TMEM164: variants seen among roughly 807,000 people sequenced by gnomAD.
TMEM164 encodes transmembrane protein 164, also known as RP13-360B22.2.
A neutral mutation model predicts 18.8 loss-of-function variants in TMEM164; 4 were observed. The ratio of observed to expected loss-of-function variants is 0.21; its 90% CI spans 0.10 to 0.49. The LOEUF is 0.49. Ranked by LOEUF, TMEM164 falls within the 20% of genes least tolerant of loss-of-function variation. The probability of loss-of-function intolerance (pLI) is 0.98; values close to 1 mark genes in which losing one functional copy is unlikely to be tolerated. For synonymous variants in TMEM164, 86 were observed against 101.7 expected, an observed-to-expected ratio of 0.85 and a Z score of 0.93; for missense variants, 108 against 239.9, an observed-to-expected ratio of 0.45 and a Z score of 3.63.
chrX:110,080,317 G>A (rs1160614931), intron 3 of TMEM164, among the ~76,000 whole-genome samples: 4 of 111,878 alleles, frequency 3.6e-5, no homozygotes, highest in African/African-American at 6.5e-5. Flanking sequence ...TTGAAGACCT[G>A]TTGTCTATTA....
chrX:110,086,882 T>C (rs759472095), intron 3 of TMEM164, among the ~76,000 whole-genome samples: 4 of 110,753 alleles, frequency 3.6e-5, no homozygotes, highest in African/African-American at 1.3e-4. Context: ...AGGAATACCA[T>C]AATGGGGATG....
At chrX:110,125,049 TC>T (rs1488278664) in intron 4 of TMEM164, among the ~76,000 whole-genome samples, 2 of 112,354 alleles carry the variant, frequency 1.8e-5, no homozygotes, top group African/African-American at 6.5e-5. Flanking sequence ...AAATCACTGT[TC>T]CAGTCTTCCT....
intron 3 of TMEM164, among the ~76,000 whole-genome samples, chrX:110,108,088 G>GTT (rs1165441265): frequency 3.1e-5 from 3 of 96,442 alleles, no homozygotes; most frequent in Admixed American, 1.1e-4. Context: ...GTGTGTGTGT[G>GTT]TGTGTGTGTG....
chrX:110,176,194 C>A lies in TMEM164; in HGVS notation c.*2743C>A. 1 of 756,604 alleles carries A rather than the reference C, an allele frequency of 1.3e-6. No individual in the cohort carries two copies. Among genetic ancestry groups the A allele is most frequent in the Non-Finnish European group, 1.6e-6 (1 of 639,603 alleles). 62.4% of individuals were successfully genotyped at this position (756,604 alleles called of 1,213,427 possible). A position where few individuals can be genotyped will look rare whatever the true frequency, so the allele number is the denominator to read the frequency against. On this transcript the variant is annotated 3_prime_UTR_variant, in exon 7 of 7. Coordinates refer to ENST00000372068, the MANE Select transcript of TMEM164 (RefSeq NM_032227.4). ...AGGGAAAAGAGTACTCCCTCCAGCC[C>A]CTAGGTAGCCTTGGCCAGGGATGTG...
At chrX:110,011,210 C>A (rs369252191) in intron 2 of TMEM164, among the ~76,000 whole-genome samples, 1 of 112,061 alleles carries the variant, frequency 8.9e-6, no homozygotes, top group Admixed American at 9.4e-5. Flanking sequence ...GAAGAAGTAG[C>A]CTTTGCCTTC....
chrX:110,077,710 A>T (rs1465269167), intron 3 of TMEM164, among the ~76,000 whole-genome samples: 1 of 111,595 alleles, frequency 9.0e-6, no homozygotes, highest in Non-Finnish European at 1.9e-5. Flanking sequence ...TCCTTCTCTT[A>T]TGAAGCTTAG....
chrX:110,096,050 T>G (rs759620431), intron 3 of TMEM164, among the ~76,000 whole-genome samples: 7 of 112,155 alleles, frequency 6.2e-5, no homozygotes, highest in Non-Finnish European at 1.3e-4. Context: ...CTCTGGAAGC[T>G]TCCTCTCAGA....
chrX:110,041,628 T>C (rs1240438000), intron 2 of TMEM164, among the ~76,000 whole-genome samples: 2 of 112,062 alleles, frequency 1.8e-5, no homozygotes, highest in Non-Finnish European at 3.8e-5. Flanking sequence ...CTAAATGATA[T>C]ACCTGTCCTG....
At chrX:110,072,293 T>C (rs1234689856) in intron 3 of TMEM164, among the ~76,000 whole-genome samples, 2 of 53,094 alleles carry the variant, frequency 3.8e-5, no homozygotes, top group Non-Finnish European at 7.2e-5. Flanking sequence ...AGAGACTCCA[T>C]CTCAAAAAAA....
In TMEM164 at chrX:110,017,246, C is replaced by A. The variant is rs1310255658; in HGVS notation, c.390+13082C>A. On this transcript the variant is annotated intron_variant, in intron 2 of 6. Transcript: ENST00000372068. Reference sequence around the variant, plus strand: ...CCCATTTCAATATCTCTCTATAATACCACACATGGCCTCCTTCTATCCTTA... The same window carrying A: ...CCCATTTCAATATCTCTCTATAATAACACACATGGCCTCCTTCTATCCTTA... Among the ~76,000 whole-genome samples, 10 of 111,772 alleles carry A rather than the reference C, an allele frequency of 8.9e-5. No homozygotes were observed. In the East Asian group the frequency reaches 2.8e-3, roughly 32 times the overall value.
At chrX:110,020,344 A>G in intron 2 of TMEM164, 8 of 751,579 alleles carry the variant, frequency 1.1e-5, no homozygotes, top group Non-Finnish European at 1.3e-5. Flanking sequence ...GGATTTGTTG[A>G]TTTTCAGATG....
At chrX:110,159,804 A>G (rs1427896514) in intron 5 of TMEM164, among the ~76,000 whole-genome samples, 1 of 111,753 alleles carries the variant, frequency 8.9e-6, no homozygotes, top group Non-Finnish European at 1.9e-5. Context: ...GAATAGAAGG[A>G]TTAAAAAAGA....
chrX:110,087,053 G>C (rs2065864024), intron 3 of TMEM164, among the ~76,000 whole-genome samples: 1 of 111,973 alleles, frequency 8.9e-6, no homozygotes, highest in African/African-American at 3.2e-5. Context: ...GCTGTCAGAA[G>C]TGTTCATATC....
At chrX:110,139,154 T>C (rs1361442635) in intron 4 of TMEM164, among the ~76,000 whole-genome samples, 1 of 112,515 alleles carries the variant, frequency 8.9e-6, no homozygotes, top group African/African-American at 3.2e-5. Flanking sequence ...TTTTAGCATG[T>C]TTGTTTTCTG....
chrX:110,103,756 ACTTTT>A (rs2066145720), intron 3 of TMEM164, among the ~76,000 whole-genome samples: 1 of 111,753 alleles, frequency 8.9e-6, no homozygotes, highest in African/African-American at 3.3e-5. Context: ...TAATATCATG[ACTTTT>A]CTTTGCTTCT....
chrX:110,045,119 A>G (rs1168815530), intron 2 of TMEM164, among the ~76,000 whole-genome samples: 2 of 111,694 alleles, frequency 1.8e-5, no homozygotes, highest in African/African-American at 6.5e-5. Flanking sequence ...TTAGAGGAGG[A>G]TAAGATGATC....
intron 5 of TMEM164, among the ~76,000 whole-genome samples, chrX:110,150,506 C>T (rs1270382689): frequency 6.2e-5 from 7 of 112,592 alleles, no homozygotes; most frequent in South Asian, 3.6e-4. Context: ...GCACATTTTA[C>T]ACATTTTAAT....
intron 3 of TMEM164, among the ~76,000 whole-genome samples, chrX:110,102,270 G>A (rs1214806248): frequency 9.0e-6 from 1 of 110,505 alleles, no homozygotes; most frequent in Non-Finnish European, 1.9e-5. Flanking sequence ...CTTGAACCTG[G>A]GAGGCGGACG....
At chrX:110,147,063 C>T (rs2066866719) in intron 5 of TMEM164, among the ~76,000 whole-genome samples, 1 of 111,930 alleles carries the variant, frequency 8.9e-6, no homozygotes, top group Non-Finnish European at 1.9e-5. Flanking sequence ...AGTGCCTCTT[C>T]CTATGGTTTG....
Sources: allele counts gnomAD v4.1 joint callset (sites outside exome capture counted in the v4.1 genomes callset), GRCh38; gene constraint gnomAD v4.1.1; transcripts MANE v1.5; gene names NCBI Gene and HGNC (gene_info 2026-07-23, HGNC 2026-07-21).